Variants in HDAC11 observed in about 807,000 individuals in gnomAD.
The protein encoded by HDAC11 is histone deacetylase 11.
Under a neutral mutation model 41.1 loss-of-function variants are expected in HDAC11, and 23 were observed. The observed-to-expected ratio is 0.56, with a 90% CI of 0.40 to 0.79. HDAC11 has a LOEUF of 0.79. Among genes scored for constraint, HDAC11 ranks in the 30% least tolerant of loss-of-function variants. The pLI, the probability that HDAC11 is intolerant of heterozygous loss-of-function variation, is 0.00. For synonymous variants in HDAC11, 187 were observed against 186.6 expected (o/e 1.00, Z -0.02); for missense variants, 402 against 477.3 (o/e 0.84, Z 1.47).
rs573197060 is a variant in HDAC11, at chr3:13,503,754, A to G, written c.650-340A>G. Among the ~76,000 whole-genome samples the G allele has an allele frequency of 3.3e-5, 5 of 152,232 alleles. No individual in the cohort carries two copies. The East Asian group carries it at 7.7e-4, about 24-fold the overall frequency. Reference sequence around the variant, plus strand: ...GCAGCTAGTATGGCCCAAGGAACCAATTTCTGAACAGAACCTCACATGTGC... The same window carrying G: ...GCAGCTAGTATGGCCCAAGGAACCAGTTTCTGAACAGAACCTCACATGTGC... On this transcript the variant is annotated intron_variant, in intron 8 of 9. Coordinates refer to ENST00000295757, the MANE Select transcript of HDAC11 (RefSeq NM_024827.4).
At chr3:13,496,636 C>T in intron 3 of HDAC11, 100 bp from the exon 4 acceptor site, 1 of 722,328 alleles carries the variant, frequency 1.4e-6, no homozygotes, top group South Asian at 1.7e-5. Context: ...TCCAAGGGCA[C>T]CTGGAAACTG....
At chr3:13,489,764 C>T (rs2125003439) in intron 3 of HDAC11, among the ~76,000 whole-genome samples, 1 of 152,196 alleles carries the variant, frequency 6.6e-6, no homozygotes, top group Admixed American at 6.5e-5. Flanking sequence ...GATGGGGTTT[C>T]ACCATGTTGG....
chr3:13,500,762 C>G lies in HDAC11; in HGVS notation c.462C>G (p.Ala154=). Residue 154 remains alanine, a synonymous_variant, in exon 6 of 10, where the codon GCC becomes GCG. Coordinates refer to ENST00000295757, the MANE Select transcript of HDAC11 (RefSeq NM_024827.4). ...GCGACCGTGGCGGGGGCTTCTGTGC[C>G]TATGCGGACATCACGCTCGCCATCA... ...CSSDRGGGFC[A]YADITLAIKF... is the part of the protein sequence containing the mutation. 1.3e-6 allele frequency: 2 copies of G among 1,584,964 alleles called. No individual in the cohort carries two copies. The highest frequency in any genetic ancestry group is 1.7e-6 in the Non-Finnish European group (2 of 1,164,348).
At chr3:13,483,952 AT>A (rs1559369964) in intron 3 of HDAC11, among the ~76,000 whole-genome samples, 1 of 150,818 alleles carries the variant, frequency 6.6e-6, no homozygotes, top group Non-Finnish European at 1.5e-5. Flanking sequence ...TTGTTTGTTC[AT>A]TTTTTTGTTG....
intron 3 of HDAC11, among the ~76,000 whole-genome samples, chr3:13,486,574 T>TTTTTTTTTTTTTTTTTTG (rs1701594983): frequency 1.4e-5 from 1 of 70,926 alleles, no homozygotes; most frequent in African/African-American, 7.0e-5. Flanking sequence ...TAGAGGTGTT[T>TTTTTTTTTTTTTTTTTTG]TTTTTTTTTT....
At chr3:13,503,134 G>C in intron 8 of HDAC11, 154 bp downstream of exon 8, 1 of 547,426 alleles carries the variant, frequency 1.8e-6, no homozygotes, top group Non-Finnish European at 3.2e-6. Context: ...TGAGGAAACC[G>C]AGACCTGGAG....
At chr3:13,481,481 C>T in intron 2 of HDAC11, 87 bp downstream of exon 2, 1 of 1,478,296 alleles carries the variant, frequency 6.8e-7, no homozygotes, top group Non-Finnish European at 9.3e-7. Flanking sequence ...GCCTCAGGCT[C>T]TCTCCCATCT....
At chr3:13,497,476 A>G (rs1702153177) in intron 4 of HDAC11, among the ~76,000 whole-genome samples, 1 of 152,124 alleles carries the variant, frequency 6.6e-6, no homozygotes, top group South Asian at 2.1e-4. Context: ...CACCATGCCC[A>G]GCCCTAATGC....
chr3:13,500,649 A>C, intron 5 of HDAC11, 64 bp from the exon 6 acceptor site: 1 of 1,306,354 alleles, frequency 7.7e-7, no homozygotes, highest in Non-Finnish European at 1.1e-6. Flanking sequence ...GAAGGGATGG[A>C]GGAGCTCCTG....
In HDAC11 at chr3:13,496,477, A is replaced by C. The variant is rs183052409; in HGVS notation, c.253-259A>C. 3.1e-3 allele frequency: 1,092 copies of C among 356,976 alleles called. 5 individuals carry two copies. The highest frequency in any genetic ancestry group is 9.6e-3 in the South Asian group (262 of 27,152). The allele number at this position is 356,976 out of a possible 1,614,324, so 22.1% of individuals were successfully genotyped here. The stretch of plus-strand genomic sequence containing the variant: ...GCACAAGAGGGCAGCCAAGGGCCTC[A>C]GAACGCTGAGGAACCCTGGCCAACT... On this transcript the variant is annotated intron_variant, in intron 3 of 9. Transcript: ENST00000295757.
Position 13,481,287 on chromosome 3 carries a change from G to C in HDAC11, c.44G>C (p.Arg15Pro). The C allele has an allele frequency of 1.2e-6, 2 of 1,612,762 alleles. No homozygotes were observed. The highest frequency in any genetic ancestry group is 1.7e-6 in the Non-Finnish European group (2 of 1,179,994). Reference protein sequence around the residue: ...TQLYQHVPETRWPIVYSPRYN... With the variant: ...TQLYQHVPETPWPIVYSPRYN... ...CTGTACCAGCATGTGCCAGAGACACGCTGGCCAATCGTGTACTCGCCGCGC... is the reference window on the plus strand; with the variant it reads ...CTGTACCAGCATGTGCCAGAGACACCCTGGCCAATCGTGTACTCGCCGCGC... Residue 15 changes from arginine to proline, a missense_variant, in exon 2 of 10, where the codon CGC becomes CCC. Coordinates refer to ENST00000295757, the MANE Select transcript of HDAC11 (RefSeq NM_024827.4).
Position 13,502,355 on chromosome 3 carries a change from C to T in HDAC11, c.552+422C>T, listed in dbSNP as rs892070947. On this transcript the variant is annotated intron_variant, in intron 7 of 9. Transcript: ENST00000295757. The surrounding 1 kb of genome is among the most constrained non-coding windows in gnomAD (Gnocchi z 4.1). ...CACCTGGGGTCACCATTTAAGAACT[C>T]GGCGCCTAGGGAGTAAAGTGTCAAA... is the stretch of plus-strand genomic sequence containing the variant. 4 of 198,416 alleles carry T rather than the reference C, an allele frequency of 2.0e-5. No individual in the cohort carries two copies. Among genetic ancestry groups the T allele is most frequent in the Non-Finnish European group, 4.1e-5 (4 of 97,438 alleles). 12.3% of individuals were successfully genotyped at this position (198,416 alleles called of 1,614,324 possible).
intron 3 of HDAC11, among the ~76,000 whole-genome samples, chr3:13,487,327 G>A (rs937233977): frequency 6.6e-6 from 1 of 152,166 alleles, no homozygotes; most frequent in African/African-American, 2.4e-5. Context: ...GCTTTTCCCT[G>A]GTCATTCTGT....
intron 3 of HDAC11, among the ~76,000 whole-genome samples, chr3:13,496,335 G>A (rs1348586545): frequency 1.3e-5 from 2 of 152,160 alleles, no homozygotes; most frequent in African/African-American, 4.8e-5. Context: ...GAAGATCCTC[G>A]CTGCCTAGGC....
In HDAC11 at chr3:13,483,873, C is replaced by T. The variant is rs146820059; in HGVS notation, c.252+309C>T. On this transcript the variant is annotated intron_variant, in intron 3 of 9. Transcript: ENST00000295757. ...ACTTTCAAGCTGTGCTCTGTCGACA[C>T]GCCTCCGAGACCCCAGCCCCTGTCC... 4.4e-3 allele frequency among the ~76,000 whole-genome samples: 670 copies of T among 152,282 alleles called. 7 individuals are homozygous for T. Among genetic ancestry groups the T allele is most frequent in the Non-Finnish European group, 4.1e-3 (282 of 68,022 alleles).
intron 3 of HDAC11, among the ~76,000 whole-genome samples, chr3:13,488,846 C>A (rs1701716509): frequency 6.6e-6 from 1 of 151,980 alleles, no homozygotes; most frequent in South Asian, 2.1e-4. Flanking sequence ...TCCACGGGGG[C>A]TGCACCATTT....
chr3:13,493,411 C>T (rs1157937117), intron 3 of HDAC11, among the ~76,000 whole-genome samples: 4 of 152,214 alleles, frequency 2.6e-5, no homozygotes, highest in Admixed American at 6.5e-5. Flanking sequence ...TCTCCTAGAG[C>T]GGTGCTGCCC....
rs1338823927 is a variant in HDAC11 at position 13,505,074 on chromosome 3, C to A, written c.*391C>A. 3.6e-6 allele frequency: 1 copy of A among 279,158 alleles called. No homozygotes were observed. The highest frequency in any genetic ancestry group is 7.0e-6 in the Non-Finnish European group (1 of 143,110). 17.3% of individuals were successfully genotyped at this position (279,158 alleles called of 1,614,324 possible). ...GGAGTGAGGAAGCTTCCACCTCCATCCTGACTAGGCCTGCATCCTAACTGG... is the reference window on the plus strand; with the variant it reads ...GGAGTGAGGAAGCTTCCACCTCCATACTGACTAGGCCTGCATCCTAACTGG... On this transcript the variant is annotated 3_prime_UTR_variant, in exon 10 of 10. Coordinates refer to ENST00000295757, the MANE Select transcript of HDAC11 (RefSeq NM_024827.4).
Position 13,505,468 on chromosome 3 carries a change from C to G in HDAC11, c.*785C>G, listed in dbSNP as rs935316844. ...AGGAATTCTTAGCGCAAGGACGGGC[C>G]TCAGCCCTGTCGCCTCCAGGGGGCC... On this transcript the variant is annotated 3_prime_UTR_variant, in exon 10 of 10. Coordinates refer to ENST00000295757, the MANE Select transcript of HDAC11 (RefSeq NM_024827.4). The G allele has an allele frequency of 6.5e-6, 1 of 153,080 alleles. No individual in the cohort carries two copies. Among genetic ancestry groups the G allele is most frequent in the African/African-American group, 2.4e-5 (1 of 41,460 alleles). The allele number at this position is 153,080 out of a possible 1,614,324, so 9.5% of individuals were successfully genotyped here. A position where few individuals can be genotyped will look rare whatever the true frequency, so the allele number is the denominator to read the frequency against.
Sources: gnomAD v4.1 joint callset for allele counts (sites outside exome capture counted in the v4.1 genomes callset) on GRCh38, gnomAD v4.1.1 for gene constraint, Gnocchi (gnomAD v3.1) non-coding constraint, MANE v1.5 for transcripts, NCBI Gene and HGNC (gene_info 2026-07-23, HGNC 2026-07-21) for gene names.